Variants in VCAN observed in about 807,000 individuals in gnomAD.
The protein encoded by VCAN is versican.
A neutral mutation model predicts 245.5 loss-of-function variants in VCAN; 44 were observed. The ratio of observed to expected loss-of-function variants is 0.18; its 90% CI spans 0.14 to 0.23. The LOEUF (loss-of-function observed/expected upper bound fraction) is 0.23, where lower values mean the gene tolerates loss of function less well. VCAN is among the 10% of genes least tolerant of loss of function. VCAN has a pLI of 1.00. For synonymous variants in VCAN, 1,413 were observed against 1,437.0 expected (o/e 0.98, Z 0.38); for missense variants, 3,793 against 4,057.9 (o/e 0.93, Z 1.77).
chr5:83,528,933 T>A (rs1015886092), intron 7 of VCAN, among the ~76,000 whole-genome samples: 3 of 149,510 alleles, frequency 2.0e-5, no homozygotes, highest in Non-Finnish European at 4.4e-5. Flanking sequence ...GGAATGATAT[T>A]TCCTAAGCTC....
Position 83,540,958 on chromosome 5 carries a change from A to T in VCAN, c.7955A>T (p.Asp2652Val), listed in dbSNP as rs141810277. 3 of 1,614,112 alleles carry T rather than the reference A, an allele frequency of 1.9e-6. No homozygotes were observed. Among genetic ancestry groups the T allele is most frequent in the Non-Finnish European group, 2.5e-6 (3 of 1,180,004 alleles). ...VLASYTQATH[D>V]ESMTYEDRSQ... ...GCTAGCTACACTCAGGCAACACATG[A>T]TGAATCAATGACTTATGAAGATAGA... Residue 2652 changes from aspartate (D) to valine (V), a missense_variant, in exon 8 of 15, where the codon GAT (aspartate) becomes GTT (valine). By Grantham distance (152) the Asp-to-Val change is radical. Transcript: ENST00000265077.
chr5:83,498,270 C>A (rs565534261), intron 5 of VCAN, among the ~76,000 whole-genome samples: 1 of 152,250 alleles, frequency 6.6e-6, no homozygotes, highest in Non-Finnish European at 1.5e-5. Flanking sequence ...ACTATAATTA[C>A]CCTCTTGCAA....
intron 7 of VCAN, among the ~76,000 whole-genome samples, chr5:83,530,827 C>G (rs1170610712): frequency 6.6e-6 from 1 of 151,860 alleles, no homozygotes; most frequent in African/African-American, 2.4e-5. Flanking sequence ...TTTTTACAAC[C>G]TAATTGAGGT....
chr5:83,491,958 A>G (rs1011899268), intron 3 of VCAN, among the ~76,000 whole-genome samples: 2 of 152,200 alleles, frequency 1.3e-5, no homozygotes, highest in African/African-American at 2.4e-5. Flanking sequence ...TATATTCACC[A>G]GATAGCACCA....
chr5:83,555,697 G>A (rs1021848360), intron 12 of VCAN, among the ~76,000 whole-genome samples: 1 of 152,134 alleles, frequency 6.6e-6, no homozygotes, highest in Non-Finnish European at 1.5e-5. Context: ...AAATATGATT[G>A]TCTATACTAG....
In VCAN at chr5:83,522,403, G is replaced by A. The variant is rs1397001463; in HGVS notation, c.4003+94G>A. 3.8e-6 allele frequency: 5 copies of A among 1,320,448 alleles called. No individual in the cohort carries two copies. The Admixed American group carries it at 9.0e-5, about 24-fold the overall frequency. 81.8% of individuals were successfully genotyped at this position (1,320,448 alleles called of 1,614,324 possible). A position where few individuals can be genotyped will look rare whatever the true frequency, so the allele number is the denominator to read the frequency against. On this transcript the variant is annotated intron_variant, in intron 7 of 14. Transcript: ENST00000265077. ...AAAAAAAGTCAACATACCAAATGCT[G>A]CTATTAGAAGATAACTGGAGTGTGA...
At position 83,578,107 on chromosome 5, in the gene VCAN, A is replaced by G. The variant is rs560752771; in HGVS notation, c.9881-1873A>G. 1.7e-3 allele frequency among the ~76,000 whole-genome samples: 258 copies of G among 152,204 alleles called. 3 individuals are homozygous for G. Among genetic ancestry groups the G allele is most frequent in the African/African-American group, 5.9e-3 (246 of 41,532 alleles). ...GTCTGGACCCTAGTATAGGCTTTCCATATTGCAATAAAAGAAGTGTGCACC... is the reference window on the plus strand; with the variant it reads ...GTCTGGACCCTAGTATAGGCTTTCCGTATTGCAATAAAAGAAGTGTGCACC... On this transcript the variant is annotated intron_variant, in intron 13 of 14. Coordinates refer to ENST00000265077, the MANE Select transcript of VCAN (RefSeq NM_004385.5).
intron 10 of VCAN, 54 bp downstream of exon 10, chr5:83,548,138 A>G (rs1178059769): frequency 2.8e-6 from 4 of 1,453,760 alleles, no homozygotes; most frequent in African/African-American, 1.4e-5. Flanking sequence ...TTTTTTAGCA[A>G]TTTTGGCCTC....
intron 11 of VCAN, among the ~76,000 whole-genome samples, chr5:83,554,633 G>A (rs937453572): frequency 1.3e-5 from 2 of 151,900 alleles, no homozygotes; most frequent in Non-Finnish European, 2.9e-5. Context: ...CAAAAAAATA[G>A]AAAATTTCTA....
intron 8 of VCAN, among the ~76,000 whole-genome samples, chr5:83,544,129 A>G (rs1166315849): frequency 6.6e-6 from 1 of 152,228 alleles, no homozygotes; most frequent in Non-Finnish European, 1.5e-5. Context: ...AGAGGGCAGC[A>G]TGTGGCTATG....
chr5:83,564,716 T>A (rs1484793536), intron 12 of VCAN, among the ~76,000 whole-genome samples: 1 of 151,446 alleles, frequency 6.6e-6, no homozygotes, highest in Non-Finnish European at 1.5e-5. Context: ...AAATTAGCAA[T>A]GTTTGGAGGA....
chr5:83,500,868 AC>A (rs1315893111), intron 5 of VCAN, among the ~76,000 whole-genome samples: 2 of 152,208 alleles, frequency 1.3e-5, no homozygotes, highest in African/African-American at 4.8e-5. Context: ...ACTACTTTGA[AC>A]TTTTTGAGGA....
Position 83,537,071 on chromosome 5 carries a change from T to A in VCAN, c.4068T>A (p.Pro1356=), listed in dbSNP as rs928206723. The A allele has an allele frequency of 1.2e-6, 2 of 1,613,682 alleles. No homozygotes were observed. The highest frequency in any genetic ancestry group is 1.7e-6 in the Non-Finnish European group (2 of 1,179,786). ...PIDSESKEDE[P]CSEETDPVHD... is the part of the protein sequence containing the mutation. ...ATTCAGAATCTAAAGAAGATGAACC[T>A]TGTAGTGAAGAAACAGATCCAGTGC... The change falls in exon 8 of 15, where the codon CCT becomes CCA. Residue 1356 remains proline (P), a synonymous_variant. Coordinates refer to ENST00000265077, the MANE Select transcript of VCAN (RefSeq NM_004385.5).
chr5:83,509,122 A>G (rs1745572441), intron 5 of VCAN, among the ~76,000 whole-genome samples: 1 of 152,194 alleles, frequency 6.6e-6, no homozygotes, highest in South Asian at 2.1e-4. Flanking sequence ...AGAAAGAAAG[A>G]AAGAAATGGC....
At chr5:83,528,669 G>T (rs142048248) in intron 7 of VCAN, among the ~76,000 whole-genome samples, 101 of 152,208 alleles carry the variant, frequency 6.6e-4, no homozygotes, top group African/African-American at 2.4e-3. Context: ...AAGTATCATG[G>T]TTCAGAATTA....
intron 1 of VCAN, among the ~76,000 whole-genome samples, chr5:83,479,062 A>G (rs1389250766): frequency 6.6e-6 from 1 of 152,186 alleles, no homozygotes; most frequent in Non-Finnish European, 1.5e-5. Context: ...TATTACTTGT[A>G]TGAAGTAAAT....
chr5:83,473,462 G>C (rs1326649946), intron 1 of VCAN, among the ~76,000 whole-genome samples: 2 of 152,076 alleles, frequency 1.3e-5, no homozygotes, highest in Non-Finnish European at 2.9e-5. Context: ...CCTCATCTTT[G>C]TGTCTCCCTC....
At position 83,533,293 on chromosome 5, in the gene VCAN, T is replaced by A. The variant is rs184018511; in HGVS notation, c.4004-3714T>A. The stretch of plus-strand genomic sequence containing the variant: ...AGGTGGGTGGAGAAAGGAATCCTAA[T>A]CTAAATTTAATGATTAGTACATTTG... On this transcript the variant is annotated intron_variant, in intron 7 of 14. Coordinates refer to ENST00000265077, the MANE Select transcript of VCAN (RefSeq NM_004385.5). 3.2e-3 allele frequency among the ~76,000 whole-genome samples: 484 copies of A among 152,250 alleles called. 2 individuals are homozygous for A. Among genetic ancestry groups the A allele is most frequent in the Non-Finnish European group, 5.5e-3 (372 of 68,008 alleles).
intron 12 of VCAN, among the ~76,000 whole-genome samples, chr5:83,568,942 G>A (rs992321419): frequency 1.3e-5 from 2 of 151,894 alleles, no homozygotes; most frequent in Admixed American, 6.6e-5. Context: ...ACACCCAGCT[G>A]TATCTGAGAG....
Sources: gnomAD v4.1 joint callset for allele counts (sites outside exome capture counted in the v4.1 genomes callset) on GRCh38, gnomAD v4.1.1 for gene constraint, MANE v1.5 for transcripts, NCBI Gene and HGNC (gene_info 2026-07-23, HGNC 2026-07-21) for gene names.